Variants in SUGCT observed in about 807,000 individuals in gnomAD.
SUGCT encodes succinyl-CoA:glutarate-CoA transferase.
SUGCT carries 41 observed loss-of-function variants against 55.0 expected under a neutral mutation model. The ratio of observed to expected loss-of-function variants is 0.74; its 90% CI spans 0.58 to 0.97. The LOEUF is 0.97. Ranked by LOEUF, SUGCT falls within the 50% of genes least tolerant of loss-of-function variation. SUGCT has a pLI of 0.00. For missense variants in SUGCT, 568 were observed against 547.8 expected (o/e 1.04, Z -0.37); for synonymous variants, 187 against 200.4 (o/e 0.93, Z 0.56).
intron 6 of SUGCT, among the ~76,000 whole-genome samples, chr7:40,221,152 G>A (rs930347434): frequency 2.5e-4 from 38 of 152,022 alleles, no homozygotes; most frequent in African/African-American, 8.2e-4. Context: ...TCTAATTATA[G>A]CCTGTAATCC....
chr7:40,719,185 C>G (rs1016520457), intron 12 of SUGCT, among the ~76,000 whole-genome samples: 2 of 152,176 alleles, frequency 1.3e-5, no homozygotes, highest in Non-Finnish European at 2.9e-5. Context: ...TGACTGTGTC[C>G]TGCTTTCTGG....
In SUGCT at chr7:40,171,530, C is replaced by A. The variant is rs138288899; in HGVS notation, c.101-9417C>A. On this transcript the variant is annotated intron_variant, in intron 1 of 13. Coordinates refer to ENST00000335693, the MANE Select transcript of SUGCT (RefSeq NM_001193313.2). ...AAATCTGCTGGGTTAAGGGAATTTT[C>A]AGTGGTTAGTGTTAAATCACCTTTT... 7.5e-3 allele frequency among the ~76,000 whole-genome samples: 1,147 copies of A among 152,310 alleles called. 16 individuals carry two copies. Among genetic ancestry groups the A allele is most frequent in the African/African-American group, 0.026 (1,094 of 41,558 alleles).
intron 1 of SUGCT, among the ~76,000 whole-genome samples, chr7:40,169,116 A>G (rs1784553887): frequency 6.6e-6 from 1 of 152,162 alleles, no homozygotes; most frequent in Non-Finnish European, 1.5e-5. Flanking sequence ...AGGTAAGCAC[A>G]CTTAGAGTCT....
At chr7:40,174,932 A>G (rs949354549) in intron 1 of SUGCT, among the ~76,000 whole-genome samples, 1 of 152,154 alleles carries the variant, frequency 6.6e-6, no homozygotes, top group Non-Finnish European at 1.5e-5. Context: ...GTTATCTTTT[A>G]AATGTTTTCC....
chr7:40,382,466 T>G (rs142080420), intron 9 of SUGCT, among the ~76,000 whole-genome samples: 126 of 152,258 alleles, frequency 8.3e-4, no homozygotes, highest in Non-Finnish European at 1.4e-3. Flanking sequence ...CTAGTCTTAG[T>G]CAATATCTCC....
At chr7:41,006,137 G>C in the SUGCT span, among the ~76,000 whole-genome samples, 1 of 152,196 alleles carries the variant, frequency 6.6e-6, no homozygotes. Flanking sequence ...GAGACAGGCT[G>C]TAACAATGGG....
chr7:40,783,142 CTG>C (rs1223456386), intron 13 of SUGCT, among the ~76,000 whole-genome samples: 3 of 152,174 alleles, frequency 2.0e-5, no homozygotes, highest in African/African-American at 4.8e-5. Context: ...GCAATGAAAT[CTG>C]TGTCTTTTGT....
At chr7:40,739,259 C>G (rs1787339242) in intron 12 of SUGCT, among the ~76,000 whole-genome samples, 1 of 152,148 alleles carries the variant, frequency 6.6e-6, no homozygotes, top group South Asian at 2.1e-4. Context: ...ACTCCCATTT[C>G]TCCTCTAACT....
chr7:40,222,986 T>TTTCCTTCCTTCCTTCC (rs200277908), intron 6 of SUGCT, among the ~76,000 whole-genome samples: 12 of 94,054 alleles, frequency 1.3e-4, no homozygotes, highest in East Asian at 3.0e-4. Flanking sequence ...TTTTCATTTC[T>TTTCCTTCCTTCCTTCC]TTCCTTCCTT....
chr7:40,207,246 G>A (rs1474295155), intron 6 of SUGCT, among the ~76,000 whole-genome samples: 1 of 151,992 alleles, frequency 6.6e-6, no homozygotes, highest in South Asian at 2.1e-4. Context: ...TTAGGAAATG[G>A]GCAAAGGACT....
At chr7:40,140,549 C>A (rs536852741) in intron 1 of SUGCT, among the ~76,000 whole-genome samples, 1 of 152,090 alleles carries the variant, frequency 6.6e-6, no homozygotes, top group East Asian at 1.9e-4. Context: ...TACAGGCGCA[C>A]GCCACCACAC....
At chr7:40,136,839 C>CA (rs895042549) in intron 1 of SUGCT, among the ~76,000 whole-genome samples, 11 of 151,866 alleles carry the variant, frequency 7.2e-5, no homozygotes, top group East Asian at 3.9e-4. Flanking sequence ...ACCAAAAATA[C>CA]AAAAAAAATT....
intron 9 of SUGCT, among the ~76,000 whole-genome samples, chr7:40,360,594 C>G (rs1798105048): frequency 6.6e-6 from 1 of 152,240 alleles, no homozygotes; most frequent in Admixed American, 6.5e-5. Context: ...GTGATATGGC[C>G]ATGCGTGGAA....
intron 9 of SUGCT, among the ~76,000 whole-genome samples, chr7:40,364,562 C>T (rs1583516340): frequency 1.3e-5 from 2 of 152,096 alleles, no homozygotes; most frequent in Non-Finnish European, 2.9e-5. Context: ...TTTATTTCTC[C>T]TTCTCTTATG....
intron 12 of SUGCT, among the ~76,000 whole-genome samples, chr7:40,634,128 G>A (rs1192461448): frequency 6.6e-6 from 1 of 152,038 alleles, no homozygotes; most frequent in Admixed American, 6.6e-5. Context: ...GGAACACAGA[G>A]AGTTGGAGGA....
chr7:40,916,846 G>A, the SUGCT span, among the ~76,000 whole-genome samples: 1 of 152,134 alleles, frequency 6.6e-6, no homozygotes, highest in African/African-American at 2.4e-5. Flanking sequence ...CATACATGAA[G>A]CTATTGACAA....
chr7:40,545,772 T>G (rs1316181346), intron 12 of SUGCT, among the ~76,000 whole-genome samples: 1 of 152,210 alleles, frequency 6.6e-6, no homozygotes, highest in East Asian at 1.9e-4. Context: ...TAACAAAGTA[T>G]GCTTGCCACA....
the SUGCT span, among the ~76,000 whole-genome samples, chr7:40,969,736 G>A: frequency 1.3e-5 from 2 of 152,164 alleles, no homozygotes; most frequent in Non-Finnish European, 2.9e-5. Context: ...CAGTTTTTAT[G>A]TCTGGTCATG....
intron 12 of SUGCT, among the ~76,000 whole-genome samples, chr7:40,618,082 A>G (rs888804072): frequency 1.3e-5 from 2 of 152,190 alleles, no homozygotes; most frequent in Non-Finnish European, 2.9e-5. Context: ...TTACACAGCT[A>G]ATGTTCTGAG....
Sources: allele counts gnomAD v4.1 joint callset (sites outside exome capture counted in the v4.1 genomes callset), GRCh38; gene constraint gnomAD v4.1.1; transcripts MANE v1.5; gene names NCBI Gene and HGNC (gene_info 2026-07-23, HGNC 2026-07-21).